The following WDR49 variants were observed in gnomAD, a reference collection of about 807,000 sequenced individuals.
The protein encoded by WDR49 is cilia- and flagella-associated protein 337.
A neutral mutation model predicts 119.5 loss-of-function variants in WDR49; 107 were observed. The ratio of observed to expected loss-of-function variants is 0.90; its 90% CI spans 0.77 to 1.05. The LOEUF is 1.05. Among genes scored for constraint, WDR49 ranks in the 50% least tolerant of loss-of-function variants. The pLI is 0.00. For synonymous variants in WDR49, 425 were observed against 418.8 expected, an observed-to-expected ratio of 1.01 and a Z score of -0.18; for missense variants, 1,240 against 1,220.5, an observed-to-expected ratio of 1.02 and a Z score of -0.24.
intron 9 of WDR49, among the ~76,000 whole-genome samples, chr3:167,555,115 T>A (rs1017193202): frequency 2.6e-5 from 4 of 152,036 alleles, no homozygotes; most frequent in African/African-American, 7.2e-5. Context: ...CGCCAAGGCA[T>A]AATTAGAAGG....
intron 2 of WDR49, among the ~76,000 whole-genome samples, chr3:167,639,828 TG>T (rs923635743): frequency 9.2e-5 from 14 of 151,832 alleles, no homozygotes; most frequent in African/African-American, 3.4e-4. Flanking sequence ...CCCAGATATC[TG>T]GCAAAACACA....
chr3:167,517,883 C>G (rs1254115756), intron 16 of WDR49, among the ~76,000 whole-genome samples: 1 of 151,856 alleles, frequency 6.6e-6, no homozygotes, highest in Non-Finnish European at 1.5e-5. Flanking sequence ...ATCCCTCCAC[C>G]CTCCCCCAAC....
intron 7 of WDR49, among the ~76,000 whole-genome samples, chr3:167,601,085 T>A (rs4599308): frequency 0.22 from 32,938 of 151,990 alleles, 3,826 homozygotes; most frequent in Non-Finnish European, 0.26. Context: ...TTAGAAAACC[T>A]TTGCAGTATT....
At chr3:167,641,163 T>C (rs552882266) in intron 2 of WDR49, among the ~76,000 whole-genome samples, 1 of 152,014 alleles carries the variant, frequency 6.6e-6, no homozygotes, top group Non-Finnish European at 1.5e-5. Context: ...TATTATGGCA[T>C]AAGGGTTCGA....
intron 18 of WDR49, among the ~76,000 whole-genome samples, chr3:167,495,774 A>C (rs1334134713): frequency 6.6e-6 from 1 of 151,906 alleles, no homozygotes. Context: ...AACCAAGGCT[A>C]AAGAGAAGTA....
intron 7 of WDR49, among the ~76,000 whole-genome samples, chr3:167,600,331 G>A (rs921662850): frequency 6.6e-6 from 1 of 152,032 alleles, no homozygotes; most frequent in African/African-American, 2.4e-5. Flanking sequence ...GACTCACCTA[G>A]GAGTTGCAGT....
chr3:167,543,432 A>G (rs948832678), intron 10 of WDR49, among the ~76,000 whole-genome samples: 31 of 152,050 alleles, frequency 2.0e-4, no homozygotes, highest in Non-Finnish European at 3.4e-4. Flanking sequence ...TTTCAAAAAG[A>G]TAATCCAACA....
chr3:167,654,083 T>C (rs778458141), upstream of WDR49: 13 of 152,194 alleles, frequency 8.5e-5, no homozygotes, highest in Non-Finnish European at 1.9e-4. Flanking sequence ...ATAATGTAAA[T>C]GTTGAAATGG....
intron 8 of WDR49, among the ~76,000 whole-genome samples, chr3:167,563,555 A>G (rs557558535): frequency 6.6e-6 from 1 of 152,304 alleles, no homozygotes; most frequent in Non-Finnish European, 1.5e-5. Flanking sequence ...AAGATTGTGC[A>G]GGATTTTATT....
chr3:167,651,259 A>G (rs1475598388), intron 2 of WDR49, among the ~76,000 whole-genome samples: 1 of 152,192 alleles, frequency 6.6e-6, no homozygotes, highest in African/African-American at 2.4e-5. Flanking sequence ...ATGAAGATAT[A>G]AAGGAATCTG....
intron 16 of WDR49, among the ~76,000 whole-genome samples, chr3:167,516,227 C>G (rs964359440): frequency 2.6e-5 from 4 of 151,942 alleles, no homozygotes; most frequent in Non-Finnish European, 5.9e-5. Context: ...TTAGGTATAT[C>G]TCCAAATGCT....
intron 12 of WDR49, among the ~76,000 whole-genome samples, chr3:167,532,191 A>C (rs1013851192): frequency 1.3e-5 from 2 of 152,164 alleles, no homozygotes; most frequent in Non-Finnish European, 2.9e-5. Flanking sequence ...CCATTCCTAA[A>C]GTTCAATTCA....
intron 4 of WDR49, 82 bp downstream of exon 4, chr3:167,621,385 C>T (rs1716861140): frequency 1.5e-6 from 2 of 1,323,634 alleles, no homozygotes; most frequent in South Asian, 1.8e-5. Flanking sequence ...GGAGGTCACA[C>T]TCATTGCATT....
intron 2 of WDR49, 115 bp from the exon 3 acceptor site, chr3:167,627,407 G>T (rs1577287556): frequency 9.8e-7 from 1 of 1,022,336 alleles, no homozygotes; most frequent in Non-Finnish European, 1.3e-6. Context: ...AACATGAAAA[G>T]AAAAATATTT....
intron 18 of WDR49, among the ~76,000 whole-genome samples, chr3:167,489,037 T>C (rs187321278): frequency 2.0e-5 from 3 of 152,204 alleles, no homozygotes; most frequent in Non-Finnish European, 4.4e-5. Flanking sequence ...CCTTATTATA[T>C]TATCTTGTTG....
At chr3:167,489,266 T>C (rs1272635820) in intron 18 of WDR49, among the ~76,000 whole-genome samples, 2 of 152,078 alleles carry the variant, frequency 1.3e-5, no homozygotes, top group African/African-American at 2.4e-5. Flanking sequence ...AGCACATGAA[T>C]GAAGGAACTT....
rs764963865 is a variant in WDR49, at chr3:167,554,679, A to C, written c.1794T>G (p.Tyr598Ter). Residue 598 changes from tyrosine to a stop codon, truncating the protein, a stop_gained, in exon 10 of 19, where the codon TAT becomes TAG. Transcript: ENST00000682715. LOFTEE classifies it high-confidence loss of function. Reference protein sequence around the residue: ...KKILVTGWERYDYASWKTIGR... With the variant: ...KKILVTGWER ...CTATAGTTTTCCATGAGGCATAATC[A>C]TACCTCTCCCAGCCTGTAACCAGTA... is the stretch of plus-strand genomic sequence containing the variant. 1.2e-6 allele frequency: 2 copies of C among 1,602,976 alleles called. No homozygotes were observed. The highest frequency in any genetic ancestry group is 1.7e-6 in the Non-Finnish European group (2 of 1,172,078).
At chr3:167,597,171 A>T (rs1338217250) in intron 7 of WDR49, among the ~76,000 whole-genome samples, 1 of 152,206 alleles carries the variant, frequency 6.6e-6, no homozygotes, top group Non-Finnish European at 1.5e-5. Flanking sequence ...GTGCAGCCTC[A>T]GGGAATGGTA....
rs557001258 is a variant in WDR49, at chr3:167,537,362, G to C, written c.1824-362C>G. Among the ~76,000 whole-genome samples, 699 of 152,194 alleles carry C rather than the reference G, an allele frequency of 4.6e-3. 5 individuals are homozygous for C. The highest frequency in any genetic ancestry group is 7.9e-3 in the Non-Finnish European group (535 of 68,004). ...TTTATAGCAATAACAATTAAAAGAG[G>C]GGGCAGGCCTATGAACAAATAATGT... On this transcript the variant is annotated intron_variant, in intron 10 of 18. Transcript: ENST00000682715.
Sources: gnomAD v4.1 joint callset for allele counts (sites outside exome capture counted in the v4.1 genomes callset) on GRCh38, gnomAD v4.1.1 for gene constraint, MANE v1.5 for transcripts, NCBI Gene and HGNC (gene_info 2026-07-23, HGNC 2026-07-21) for gene names.